TMCC1: variants seen among roughly 807,000 people sequenced by gnomAD.
The protein encoded by TMCC1 is transmembrane and coiled-coil domain family 1, also known as transmembrane and coiled-coil domains protein 1.
TMCC1 carries 15 observed loss-of-function variants against 52.4 expected under a neutral mutation model. The ratio of observed to expected loss-of-function variants is 0.29; its 90% CI spans 0.19 to 0.44. The LOEUF (loss-of-function observed/expected upper bound fraction) is 0.44. TMCC1 is among the 20% of genes least tolerant of loss of function. The pLI, the probability that TMCC1 is intolerant of heterozygous loss-of-function variation, is 1.00. For synonymous variants in TMCC1, 279 were observed against 301.9 expected (o/e 0.92, Z 0.79); for missense variants, 503 against 806.0 (o/e 0.62, Z 4.55).
intron 4 of TMCC1, among the ~76,000 whole-genome samples, chr3:129,799,533 G>A (rs552913156): frequency 5.9e-5 from 9 of 152,188 alleles, no homozygotes; most frequent in South Asian, 4.2e-4. Flanking sequence ...TTCTGGGGCC[G>A]GGCACGGTGG....
intron 4 of TMCC1, among the ~76,000 whole-genome samples, chr3:129,788,082 G>A (rs897614970): frequency 2.0e-5 from 3 of 152,138 alleles, no homozygotes; most frequent in African/African-American, 7.2e-5. Flanking sequence ...TACACAAAAG[G>A]AAGGGGAAGA....
intron 2 of TMCC1, among the ~76,000 whole-genome samples, chr3:129,854,561 T>G (rs1385506245): frequency 6.6e-6 from 1 of 152,034 alleles, no homozygotes; most frequent in Non-Finnish European, 1.5e-5. Context: ...CCATGATCTT[T>G]TTCTCTCTAA....
chr3:129,672,458 G>C (rs1203782360), intron 4 of TMCC1, among the ~76,000 whole-genome samples: 3 of 151,944 alleles, frequency 2.0e-5, no homozygotes, highest in African/African-American at 7.3e-5. Context: ...AAATTACACA[G>C]TTATGGTGGC....
At chr3:129,771,773 T>C (rs1460765648) in intron 4 of TMCC1, among the ~76,000 whole-genome samples, 7 of 3,116 alleles carry the variant, frequency 2.2e-3, no homozygotes, top group African/African-American at 2.7e-3. Context: ...AGACACTGTC[T>C]CAAAAAAAAA....
intron 4 of TMCC1, among the ~76,000 whole-genome samples, chr3:129,759,708 AACTTT>A (rs2053344135): frequency 9.5e-6 from 1 of 105,406 alleles, no homozygotes. Flanking sequence ...CAGCCAGCCA[AACTTT>A]TTTTTTTTTT....
At chr3:129,720,201 A>AAAAAAAAAAAAAAAGAG (rs1560263938) in intron 4 of TMCC1, among the ~76,000 whole-genome samples, 1 of 151,196 alleles carries the variant, frequency 6.6e-6, no homozygotes, top group African/African-American at 2.4e-5. Context: ...AAAAAAAAAA[A>AAAAAAAAAAAAAAAGAG]AGAGATGGAA....
At chr3:129,706,272 C>T (rs545339711) in intron 4 of TMCC1, among the ~76,000 whole-genome samples, 10 of 152,054 alleles carry the variant, frequency 6.6e-5, no homozygotes, top group African/African-American at 2.2e-4. Context: ...TGCGCGATCT[C>T]GGCTTACTGC....
chr3:129,750,796 C>T (rs1318870229), intron 4 of TMCC1, among the ~76,000 whole-genome samples: 5 of 149,510 alleles, frequency 3.3e-5, no homozygotes, highest in African/African-American at 9.7e-5. Context: ...AGGCTGGTCT[C>T]GATCTCCTGA....
rs2055696614 is a variant in TMCC1 at position 129,783,353 on chromosome 3, C to A, written c.576+44450G>T. On this transcript the variant is annotated intron_variant, in intron 4 of 6. Coordinates refer to ENST00000393238, the MANE Select transcript of TMCC1 (RefSeq NM_001017395.5). The stretch of plus-strand genomic sequence containing the variant: ...TAAATGATAAAAATCCATAGAGATA[C>A]AATTTCCTAAATCTCAAGGTCAAGG... Among the ~76,000 whole-genome samples the A allele has an allele frequency of 2.6e-5, 4 of 152,110 alleles. No individual in the cohort carries two copies. The South Asian group carries it at 8.3e-4, about 32-fold the overall frequency.
intron 4 of TMCC1, among the ~76,000 whole-genome samples, chr3:129,814,176 A>G (rs2057983226): frequency 6.6e-6 from 1 of 152,178 alleles, no homozygotes; most frequent in African/African-American, 2.4e-5. Flanking sequence ...TTTAGATAAG[A>G]TGCCAGACAA....
intron 4 of TMCC1, among the ~76,000 whole-genome samples, chr3:129,680,014 TA>T (rs1213639945): frequency 1.3e-5 from 2 of 152,212 alleles, no homozygotes; most frequent in African/African-American, 4.8e-5. Context: ...GATTGACTTT[TA>T]AAAGCTTCCC....
chr3:129,708,467 C>G (rs1024449580), intron 4 of TMCC1, among the ~76,000 whole-genome samples: 15 of 152,180 alleles, frequency 9.9e-5, no homozygotes, highest in African/African-American at 3.6e-4. Context: ...TTTTCTTTAA[C>G]TGAAAACTGT....
At chr3:129,751,709 T>C (rs2052542517) in intron 4 of TMCC1, among the ~76,000 whole-genome samples, 1 of 152,008 alleles carries the variant, frequency 6.6e-6, no homozygotes, top group Non-Finnish European at 1.5e-5. Flanking sequence ...TACAGGTGCA[T>C]GCCACTACGC....
At chr3:129,793,360 G>A (rs1221070301) in intron 4 of TMCC1, among the ~76,000 whole-genome samples, 1 of 152,172 alleles carries the variant, frequency 6.6e-6, no homozygotes, top group African/African-American at 2.4e-5. Flanking sequence ...TCACCTGTGA[G>A]GGAACTAAAG....
At chr3:129,781,465 C>T (rs1451560122) in intron 4 of TMCC1, among the ~76,000 whole-genome samples, 2 of 152,068 alleles carry the variant, frequency 1.3e-5, no homozygotes, top group Non-Finnish European at 2.9e-5. Flanking sequence ...CTTAGGTTAC[C>T]TTCCCCCTCT....
chr3:129,859,681 CACACAT>C (rs1472037982), intron 2 of TMCC1, among the ~76,000 whole-genome samples: 1 of 146,576 alleles, frequency 6.8e-6, no homozygotes, highest in Non-Finnish European at 1.5e-5. Flanking sequence ...CACACACACA[CACACAT>C]ACACACGTAT....
At chr3:129,692,634 GAC>G (rs2047107446) in intron 4 of TMCC1, among the ~76,000 whole-genome samples, 1 of 152,144 alleles carries the variant, frequency 6.6e-6, no homozygotes, top group African/African-American at 2.4e-5. Flanking sequence ...GCTTGTGTAT[GAC>G]GTAGTTCTTA....
At chr3:129,757,267 CTT>C (rs938829251) in intron 4 of TMCC1, among the ~76,000 whole-genome samples, 1 of 152,156 alleles carries the variant, frequency 6.6e-6, no homozygotes, top group African/African-American at 2.4e-5. Context: ...TCCTTCCTCC[CTT>C]TTTCTTTCCT....
At chr3:129,682,636 C>G (rs2089091771) in intron 4 of TMCC1, among the ~76,000 whole-genome samples, 1 of 152,132 alleles carries the variant, frequency 6.6e-6, no homozygotes, top group Non-Finnish European at 1.5e-5. Context: ...GGTTTAAATT[C>G]TCAATTGCCT....
Sources: gnomAD v4.1 joint callset for allele counts (sites outside exome capture counted in the v4.1 genomes callset) on GRCh38, gnomAD v4.1.1 for gene constraint, MANE v1.5 for transcripts, NCBI Gene and HGNC (gene_info 2026-07-23, HGNC 2026-07-21) for gene names.